Variants in USP49 observed in about 807,000 individuals in gnomAD.
The protein encoded by USP49 is ubiquitin carboxyl-terminal hydrolase 49.
Under a neutral mutation model 58.6 loss-of-function variants are expected in USP49, and 24 were observed. That is an observed-to-expected ratio of 0.41 (90% CI 0.30 to 0.58). The LOEUF (loss-of-function observed/expected upper bound fraction) is 0.58, where lower values mean the gene tolerates loss of function less well. Among genes scored for constraint, USP49 ranks in the 20% least tolerant of loss-of-function variants. The pLI is 0.30. For missense variants in USP49, 703 were observed against 866.1 expected (o/e 0.81, Z 2.36); for synonymous variants, 408 against 365.1 (o/e 1.12, Z -1.34).
intron 3 of USP49, among the ~76,000 whole-genome samples, chr6:41,862,722 T>C (rs1387850183): frequency 6.6e-6 from 1 of 152,234 alleles, no homozygotes; most frequent in Non-Finnish European, 1.5e-5. Context: ...GAAGACATGT[T>C]AGATGTTCAT....
intron 3 of USP49, among the ~76,000 whole-genome samples, chr6:41,852,784 G>A (rs1177331271): frequency 6.6e-6 from 1 of 152,188 alleles, no homozygotes; most frequent in Non-Finnish European, 1.5e-5. Flanking sequence ...GTTCATAGCA[G>A]CACTATTCAT....
At chr6:41,833,263 G>A (rs540389563) in intron 3 of USP49, among the ~76,000 whole-genome samples, 18 of 151,954 alleles carry the variant, frequency 1.2e-4, no homozygotes, top group South Asian at 2.1e-4. Flanking sequence ...TGATCCGCCC[G>A]CCTCGGCCTC....
At chr6:41,849,399 A>C (rs1291503790) in intron 3 of USP49, among the ~76,000 whole-genome samples, 1 of 152,186 alleles carries the variant, frequency 6.6e-6, no homozygotes, top group Non-Finnish European at 1.5e-5. Flanking sequence ...AACCAGACAG[A>C]AGATCAACAT....
chr6:41,837,902 A>T (rs1338324565), intron 3 of USP49, among the ~76,000 whole-genome samples: 1 of 152,260 alleles, frequency 6.6e-6, no homozygotes, highest in Non-Finnish European at 1.5e-5. Context: ...CCACAATGAG[A>T]TACCATCTCA....
chr6:41,878,705 G>A (rs1774546937), intron 2 of USP49, among the ~76,000 whole-genome samples: 1 of 152,082 alleles, frequency 6.6e-6, no homozygotes, highest in Non-Finnish European at 1.5e-5. Context: ...TAGCAATTTT[G>A]TCAGCAAAGC....
chr6:41,840,979 T>C (rs1443919494), intron 3 of USP49, among the ~76,000 whole-genome samples: 1 of 151,308 alleles, frequency 6.6e-6, no homozygotes, highest in Non-Finnish European at 1.5e-5. Flanking sequence ...CGCTCCAGCC[T>C]GGGTGACAGA....
At chr6:41,881,689 G>T (rs1457328205) in intron 2 of USP49, among the ~76,000 whole-genome samples, 1 of 152,028 alleles carries the variant, frequency 6.6e-6, no homozygotes, top group Non-Finnish European at 1.5e-5. Context: ...CCAGCAAAGA[G>T]AAAAAGAAGA....
Position 41,794,615 on chromosome 6 carries a change from A to G in USP49, c.*1918T>C, listed in dbSNP as rs1352279020. 2.0e-5 allele frequency: 3 copies of G among 152,154 alleles called. No individual in the cohort carries two copies. The highest frequency in any genetic ancestry group is 4.4e-5 in the Non-Finnish European group (3 of 68,032). 9.4% of individuals were successfully genotyped at this position (152,154 alleles called of 1,614,324 possible). Reference sequence around the variant, plus strand: ...TAATCATGCCGACTTAAAAACGTGGATCTTGAGAGTACAGCTTCACATCAG... The same window carrying G: ...TAATCATGCCGACTTAAAAACGTGGGTCTTGAGAGTACAGCTTCACATCAG... On this transcript the variant is annotated 3_prime_UTR_variant, in exon 8 of 8. Transcript: ENST00000682992.
chr6:41,838,336 T>C (rs922732089), intron 3 of USP49, among the ~76,000 whole-genome samples: 2 of 152,180 alleles, frequency 1.3e-5, no homozygotes, highest in African/African-American at 2.4e-5. Flanking sequence ...CCACCAAACA[T>C]ATCTGCAACC....
intron 6 of USP49, among the ~76,000 whole-genome samples, chr6:41,799,198 C>T (rs562167257): frequency 1.3e-5 from 2 of 151,626 alleles, no homozygotes; most frequent in South Asian, 2.1e-4. Flanking sequence ...TCAACCTTCC[C>T]GAGCTCAGGT....
At position 41,880,926 on chromosome 6, in the gene USP49, T is replaced by A. The variant is rs1026941379; in HGVS notation, c.-102-9289A>T. On this transcript the variant is annotated intron_variant, in intron 2 of 7. Coordinates refer to ENST00000682992, the MANE Select transcript of USP49 (RefSeq NM_001286554.2). ...AACCTACACAGATTTTTATTTATTT[T>A]ATTTATTTTTTATTCTTTTATTTTG... Among the ~76,000 whole-genome samples, 5 of 151,996 alleles carry A rather than the reference T, an allele frequency of 3.3e-5. No homozygotes were observed. In the East Asian group the frequency reaches 9.6e-4, roughly 29 times the overall value.
Position 41,806,930 on chromosome 6 carries a change from G to T in USP49, c.54C>A (p.Ile18=). The change falls in exon 4 of 8, where the codon ATC becomes ATA. Residue 18 remains isoleucine, a synonymous_variant. Coordinates refer to ENST00000682992, the MANE Select transcript of USP49 (RefSeq NM_001286554.2). This position sits in a 1 kb window ranked among gnomAD's most constrained non-coding sequence, Gnocchi z 5.9. ...AGCAGCACCACTTCTGAGGGTTCAG[G>T]ATGGAGTGGTCCTGGGCGAGCCGTA... ...GRLRLAQDHS[I]LNPQKWCCLE... 6.2e-7 allele frequency: 1 copy of T among 1,612,356 alleles called. No homozygotes were observed. Among genetic ancestry groups the T allele is most frequent in the Non-Finnish European group, 8.5e-7 (1 of 1,179,324 alleles).
intron 3 of USP49, among the ~76,000 whole-genome samples, chr6:41,870,257 T>C (rs1019678034): frequency 6.6e-6 from 1 of 152,220 alleles, no homozygotes; most frequent in Non-Finnish European, 1.5e-5. Flanking sequence ...CCTCACCTTA[T>C]ATCCAAGGAA....
At chr6:41,895,148 G>A (rs1774875763) in intron 1 of USP49, among the ~76,000 whole-genome samples, 176 bp downstream of exon 1, 2 of 150,008 alleles carry the variant, frequency 1.3e-5, no homozygotes, top group Admixed American at 6.7e-5. Context: ...TGAGGATTTT[G>A]CTTCTTTAAA....
chr6:41,881,116 T>C (rs1055883959), intron 2 of USP49, among the ~76,000 whole-genome samples: 1 of 151,252 alleles, frequency 6.6e-6, no homozygotes. Context: ...GTATTTTTAG[T>C]AGAGATGGGG....
chr6:41,817,150 C>CTTTTTTTTTTTTTTTTTTTTTTTTTTT (rs34281670), intron 3 of USP49, among the ~76,000 whole-genome samples: 3 of 104,378 alleles, frequency 2.9e-5, no homozygotes, highest in African/African-American at 1.3e-4. Flanking sequence ...CCCACGCATG[C>CTTTTTTTTTTTTTTTTTTTTTTTTTTT]TTTTTTTTTT....
At chr6:41,865,127 C>T (rs979804210) in intron 3 of USP49, among the ~76,000 whole-genome samples, 7 of 151,964 alleles carry the variant, frequency 4.6e-5, no homozygotes, top group Non-Finnish European at 7.4e-5. Context: ...TTGTTGCAAC[C>T]TTTGTCTCCT....
intron 4 of USP49, 108 bp from the exon 5 acceptor site, chr6:41,804,118 T>G: frequency 1.1e-6 from 1 of 905,356 alleles, no homozygotes; most frequent in Non-Finnish European, 1.6e-6. Context: ...TGTATAATTT[T>G]CAAAAAATAG....
chr6:41,894,861 C>T (rs1582044571), intron 1 of USP49, among the ~76,000 whole-genome samples: 4 of 152,188 alleles, frequency 2.6e-5, no homozygotes, highest in African/African-American at 7.2e-5. Flanking sequence ...TGGCTTCTAA[C>T]CCTTTCTCCC....
Sources: allele counts gnomAD v4.1 joint callset (sites outside exome capture counted in the v4.1 genomes callset), GRCh38; gene constraint gnomAD v4.1.1; non-coding constraint Gnocchi (gnomAD v3.1); transcripts MANE v1.5; gene names NCBI Gene and HGNC (gene_info 2026-07-23, HGNC 2026-07-21).